Variants in NRG1 observed in about 807,000 individuals in gnomAD.
NRG1 encodes the protein neuregulin 1, also known as pro-neuregulin-1, membrane-bound isoform.
In NRG1, 18 loss-of-function variants were observed where a neutral mutation model predicts 63.8. The observed-to-expected ratio is 0.28, with a 90% CI of 0.19 to 0.42. NRG1 has a LOEUF of 0.42. NRG1 is among the 10% of genes least tolerant of loss of function. The pLI is 1.00. For synonymous variants in NRG1, 302 were observed against 301.3 expected (o/e 1.00, Z -0.02); for missense variants, 762 against 814.7 (o/e 0.94, Z 0.79).
chr8:32,095,265 C>A (rs553458251), intron 1 of NRG1, among the ~76,000 whole-genome samples: 65 of 152,316 alleles, frequency 4.3e-4, no homozygotes, highest in African/African-American at 1.5e-3. Flanking sequence ...TATAAGATAA[C>A]ATGAGCAGAG....
intron 1 of NRG1, among the ~76,000 whole-genome samples, chr8:32,022,053 TTTGTTGTTG>T (rs148349913): frequency 1.3e-5 from 2 of 151,972 alleles, no homozygotes; most frequent in South Asian, 4.2e-4. Flanking sequence ...TTCCAGGTAT[TTTGTTGTTG>T]TTGTTGTTGT....
intron 1 of NRG1, among the ~76,000 whole-genome samples, chr8:31,771,208 G>A (rs1186107507): frequency 6.6e-6 from 1 of 152,094 alleles, no homozygotes; most frequent in Non-Finnish European, 1.5e-5. Flanking sequence ...TTAAAAATTT[G>A]TCATTTCAAG....
At chr8:32,547,684 C>T (rs1588208340), upstream of NRG1, among the ~76,000 whole-genome samples, 2 of 152,002 alleles carry the variant, frequency 1.3e-5, no homozygotes, top group African/African-American at 4.8e-5. Context: ...GTTCGCTTAG[C>T]CCTTCCTGTG....
intron 1 of NRG1, among the ~76,000 whole-genome samples, chr8:32,151,996 GT>G (rs1837551546): frequency 6.6e-6 from 1 of 152,200 alleles, no homozygotes; most frequent in Admixed American, 6.5e-5. Context: ...GTTAGGCGAA[GT>G]GCACAAAATT....
chr8:31,877,847 T>G (rs1303893064), intron 1 of NRG1, among the ~76,000 whole-genome samples: 1 of 152,236 alleles, frequency 6.6e-6, no homozygotes, highest in East Asian at 1.9e-4. Flanking sequence ...ATCCTCCTGC[T>G]TCTCCTAAAA....
downstream of NRG1, among the ~76,000 whole-genome samples, chr8:32,768,378 A>G (rs1052917073): frequency 2.0e-5 from 3 of 152,242 alleles, no homozygotes; most frequent in Non-Finnish European, 4.4e-5. Flanking sequence ...CATGGTTCAA[A>G]TAGTCCAATG....
chr8:32,156,381 C>T (rs1220756957), intron 1 of NRG1, among the ~76,000 whole-genome samples: 2 of 152,192 alleles, frequency 1.3e-5, no homozygotes, highest in African/African-American at 2.4e-5. Flanking sequence ...TTATCAGAGT[C>T]GTAATTTTAC....
chr8:31,665,661 C>T (rs541110974), intron 1 of NRG1, among the ~76,000 whole-genome samples: 2 of 152,248 alleles, frequency 1.3e-5, no homozygotes, highest in South Asian at 4.1e-4. Context: ...ACGTAGTCAA[C>T]CTTTATGAAA....
At chr8:32,166,591 A>G (rs1839428515) in intron 1 of NRG1, among the ~76,000 whole-genome samples, 1 of 152,084 alleles carries the variant, frequency 6.6e-6, no homozygotes, top group Admixed American at 6.6e-5. Flanking sequence ...GTATTTTTCT[A>G]CCATTTTCAC....
intron 6 of NRG1, 152 bp from the exon 7 acceptor site, chr8:32,741,856 G>T (rs1441074898): frequency 5.2e-6 from 3 of 573,594 alleles, no homozygotes; most frequent in East Asian, 5.6e-5. Flanking sequence ...GTGGGACATG[G>T]TTTTCTAAAT....
At chr8:32,391,522 A>C (rs1157015293) in intron 1 of NRG1, among the ~76,000 whole-genome samples, 1 of 151,836 alleles carries the variant, frequency 6.6e-6, no homozygotes, top group African/African-American at 2.4e-5. Flanking sequence ...CTGACCCTCC[A>C]CGCCCAGATA....
chr8:32,470,359 T>A (rs1035032016), intron 1 of NRG1, among the ~76,000 whole-genome samples: 8 of 151,840 alleles, frequency 5.3e-5, no homozygotes, highest in South Asian at 2.1e-4. Flanking sequence ...TTATTTATTT[T>A]TTTCTTTTTT....
At chr8:32,619,795 A>T (rs1311095902) in intron 5 of NRG1, among the ~76,000 whole-genome samples, 1 of 152,118 alleles carries the variant, frequency 6.6e-6, no homozygotes, top group Non-Finnish European at 1.5e-5. Context: ...TTTTTTTATA[A>T]TTACAATATG....
chr8:31,906,273 G>T (rs936908477), intron 1 of NRG1, among the ~76,000 whole-genome samples: 1 of 152,146 alleles, frequency 6.6e-6, no homozygotes. Context: ...GGCTATTTAC[G>T]ACATGGCTTC....
chr8:32,325,606 T>C (rs77212516), intron 1 of NRG1, among the ~76,000 whole-genome samples: 10,744 of 152,266 alleles, frequency 0.071, 477 homozygotes, highest in Middle Eastern at 0.13. Flanking sequence ...CTGAAACTCC[T>C]GGGCATAAGT....
At chr8:32,529,102 C>A (rs901348126) in intron 1 of NRG1, among the ~76,000 whole-genome samples, 19 of 152,332 alleles carry the variant, frequency 1.2e-4, no homozygotes, top group African/African-American at 4.3e-4. Flanking sequence ...TCACTACACA[C>A]CTAGGCTATG....
chr8:32,436,001 C>T (rs1338575802), intron 1 of NRG1, among the ~76,000 whole-genome samples: 3 of 152,080 alleles, frequency 2.0e-5, no homozygotes, highest in African/African-American at 2.4e-5. Flanking sequence ...AAGTCCTAAC[C>T]TTATACATTC....
chr8:31,697,348 G>C (rs1810177576), intron 1 of NRG1, among the ~76,000 whole-genome samples: 1 of 152,164 alleles, frequency 6.6e-6, no homozygotes, highest in Admixed American at 6.5e-5. Flanking sequence ...CTGTAGTCTA[G>C]TTGTGTGTGG....
intron 1 of NRG1, among the ~76,000 whole-genome samples, chr8:31,973,420 G>A (rs1807627375): frequency 6.6e-6 from 1 of 152,120 alleles, no homozygotes; most frequent in Non-Finnish European, 1.5e-5. Context: ...CCTACCATAT[G>A]CCACACTGAA....
Sources: allele counts gnomAD v4.1 joint callset (sites outside exome capture counted in the v4.1 genomes callset), GRCh38; gene constraint gnomAD v4.1.1; transcripts MANE v1.5; gene names NCBI Gene and HGNC (gene_info 2026-07-23, HGNC 2026-07-21).